RANBP2: variants seen among roughly 807,000 people sequenced by gnomAD.
RANBP2 encodes the protein RAN binding protein 2.
A neutral mutation model predicts 303.6 loss-of-function variants in RANBP2; 57 were observed. That is an observed-to-expected ratio of 0.19 (90% CI 0.15 to 0.23). The LOEUF is 0.23. RANBP2 is among the 10% of genes least tolerant of loss of function. The pLI is 1.00. For missense variants in RANBP2, 3,138 were observed against 3,780.8 expected, an observed-to-expected ratio of 0.83 and a Z score of 4.46; for synonymous variants, 1,167 against 1,301.5, an observed-to-expected ratio of 0.90 and a Z score of 2.23.
the RANBP2 span, among the ~76,000 whole-genome samples, chr2:109,202,518 G>A: frequency 6.6e-6 from 1 of 152,182 alleles, no homozygotes; most frequent in Non-Finnish European, 1.5e-5. Context: ...TGGGTAGCTG[G>A]TGGGTGGTCA....
At chr2:109,536,333 C>G in the RANBP2 span, among the ~76,000 whole-genome samples, 2 of 152,198 alleles carry the variant, frequency 1.3e-5, no homozygotes, top group Admixed American at 6.5e-5. Flanking sequence ...GAACCCACCT[C>G]TTGCATCACA....
At chr2:109,740,279 G>A in the RANBP2 span, among the ~76,000 whole-genome samples, 6 of 151,956 alleles carry the variant, frequency 3.9e-5, no homozygotes, top group South Asian at 2.1e-4. Context: ...GAGCCACTGC[G>A]CCCGGCCAAG....
At chr2:109,043,499 T>G in the RANBP2 span, among the ~76,000 whole-genome samples, 1 of 152,156 alleles carries the variant, frequency 6.6e-6, no homozygotes, top group Admixed American at 6.5e-5. Context: ...CAAGCCATCA[T>G]GCCAGGCTAA....
the RANBP2 span, among the ~76,000 whole-genome samples, chr2:109,575,932 GAC>G: frequency 6.6e-6 from 1 of 152,158 alleles, no homozygotes; most frequent in Non-Finnish European, 1.5e-5. Context: ...TGAGGACTGA[GAC>G]AGTATCTTAT....
the RANBP2 span, among the ~76,000 whole-genome samples, chr2:108,834,219 T>A: frequency 1.3e-5 from 2 of 151,180 alleles, no homozygotes; most frequent in Admixed American, 6.6e-5. Flanking sequence ...TTGAAATTTT[T>A]TTTTTTTTTT....
the RANBP2 span, among the ~76,000 whole-genome samples, chr2:108,987,357 G>A: frequency 2.3e-4 from 35 of 152,300 alleles, no homozygotes; most frequent in African/African-American, 8.2e-4. Flanking sequence ...TTTGCGCTCC[G>A]TGAGATGGGG....
chr2:109,545,475 T>A, the RANBP2 span: 297 of 1,536,186 alleles, frequency 1.9e-4, 2 homozygotes, highest in African/African-American at 3.8e-3. Context: ...TCTGCGTCTT[T>A]ACGTCCACCA....
the RANBP2 span, chr2:109,732,932 G>A: frequency 1.4e-6 from 1 of 709,916 alleles, no homozygotes; most frequent in Non-Finnish European, 2.6e-6. Context: ...TGTAGGAGAG[G>A]AACTGTCAAA....
Position 108,764,518 on chromosome 2 carries a change from A to G in RANBP2, c.3979A>G (p.Thr1327Ala). 1.9e-6 allele frequency: 3 copies of G among 1,614,012 alleles called. No individual in the cohort carries two copies. Among genetic ancestry groups the G allele is most frequent in the Middle Eastern group, 1.6e-4 (1 of 6,062 alleles). ...NQAVRIVKEP[T>A]SHDNKDICKS... ...GGCTGTCAGAATTGTAAAAGAACCCACAAGTCATGATAACAAGGATATTTG... is the reference window on the plus strand; with the variant it reads ...GGCTGTCAGAATTGTAAAAGAACCCGCAAGTCATGATAACAAGGATATTTG... The change falls in exon 20 of 29, where the codon ACA becomes GCA. Residue 1327 changes from threonine to alanine, a missense_variant. Thr to Ala is a moderately conservative substitution (Grantham distance 58). This residue lies in a region of RANBP2 where 388 missense variants were observed against 328.5 expected (regional missense o/e 1.18). Coordinates refer to ENST00000283195, the MANE Select transcript of RANBP2 (RefSeq NM_006267.5).
the RANBP2 span, among the ~76,000 whole-genome samples, chr2:108,921,986 G>T: frequency 6.6e-6 from 1 of 152,206 alleles, no homozygotes; most frequent in Admixed American, 6.5e-5. Context: ...AGTGGGGTGC[G>T]CTCATCTTTA....
At chr2:109,191,139 A>G in the RANBP2 span, among the ~76,000 whole-genome samples, 1 of 152,132 alleles carries the variant, frequency 6.6e-6, no homozygotes, top group African/African-American at 2.4e-5. Context: ...CAGATTGCCA[A>G]TGAGAGTAGA....
chr2:109,124,979 G>A, the RANBP2 span, among the ~76,000 whole-genome samples: 2 of 152,190 alleles, frequency 1.3e-5, no homozygotes, highest in Admixed American at 6.5e-5. Flanking sequence ...CAACAAAAAT[G>A]GACTCTGGTT....
the RANBP2 span, among the ~76,000 whole-genome samples, chr2:108,942,566 G>A: frequency 6.6e-6 from 1 of 152,264 alleles, no homozygotes; most frequent in Non-Finnish European, 1.5e-5. Flanking sequence ...CGTTCTAGAA[G>A]ACATAAATGG....
At chr2:109,537,367 C>T in the RANBP2 span, among the ~76,000 whole-genome samples, 4 of 152,146 alleles carry the variant, frequency 2.6e-5, no homozygotes, top group South Asian at 2.1e-4. Flanking sequence ...AATATTAAAA[C>T]CACCTAGCAT....
the RANBP2 span, among the ~76,000 whole-genome samples, chr2:109,362,232 C>A: frequency 6.6e-6 from 1 of 152,042 alleles, no homozygotes. Context: ...GCTACTTTTG[C>A]GGCATCTCAC....
chr2:109,028,607 C>T, the RANBP2 span, among the ~76,000 whole-genome samples: 4 of 152,192 alleles, frequency 2.6e-5, no homozygotes, highest in South Asian at 4.1e-4. Flanking sequence ...CCTAAGCATC[C>T]GATCCCAACA....
the RANBP2 span, among the ~76,000 whole-genome samples, chr2:109,515,824 A>T: frequency 3.3e-5 from 5 of 151,976 alleles, no homozygotes; most frequent in Non-Finnish European, 7.4e-5. Flanking sequence ...TTTTCAAACG[A>T]TCAGATCTCA....
intron 1 of RANBP2, among the ~76,000 whole-genome samples, chr2:108,723,590 T>G (rs376415033): frequency 6.6e-6 from 1 of 152,218 alleles, no homozygotes; most frequent in Non-Finnish European, 1.5e-5. Context: ...TTAGACATTC[T>G]GTACTGGTTA....
At chr2:109,307,769 C>G in the RANBP2 span, among the ~76,000 whole-genome samples, 1 of 148,836 alleles carries the variant, frequency 6.7e-6, no homozygotes, top group African/African-American at 2.5e-5. Context: ...TTTTTTATGG[C>G]TGCATAGTAC....
Sources: gnomAD v4.1 joint callset for allele counts (sites outside exome capture counted in the v4.1 genomes callset) on GRCh38, gnomAD v4.1.1 for gene constraint, gnomAD v4.1.1 regional missense constraint, MANE v1.5 for transcripts, NCBI Gene and HGNC (gene_info 2026-07-23, HGNC 2026-07-21) for gene names.